COMT: variants seen among roughly 807,000 people sequenced by gnomAD.
COMT encodes the protein catechol O-methyltransferase.
A neutral mutation model predicts 18.9 loss-of-function variants in COMT; 13 were observed. The ratio of observed to expected loss-of-function variants is 0.69; its 90% confidence interval spans 0.45 to 1.09. The LOEUF is 1.09. Among genes scored for constraint, COMT ranks in the 50% least tolerant of loss-of-function variants. The probability of loss-of-function intolerance (pLI) is 0.00; values close to 1 mark genes in which losing one functional copy is unlikely to be tolerated. For missense variants in COMT, 329 were observed against 361.8 expected (o/e 0.91, Z 0.73); for synonymous variants, 150 against 160.9 (o/e 0.93, Z 0.51).
At chr22:19,954,144 T>G (rs1942008729) in intron 1 of COMT, among the ~76,000 whole-genome samples, 1 of 149,932 alleles carries the variant, frequency 6.7e-6, no homozygotes, top group Non-Finnish European at 1.5e-5. Context: ...GTCACCGTGG[T>G]CCCTGCAGCA....
At chr22:19,952,957 TAAATAAATAAATAAATAAA>T (rs1393385084) in intron 1 of COMT, among the ~76,000 whole-genome samples, 8 of 1,026 alleles carry the variant, frequency 7.8e-3, no homozygotes, top group African/African-American at 0.042. Flanking sequence ...TCTCAAAAAA[TAAATAAATAAATAAATAAA>T]TAAATAAATA....
At chr22:19,966,833 GAGGCTCCAACTCTTGA>G (rs1942426866) in intron 5 of COMT, 1 of 640,332 alleles carries the variant, frequency 1.6e-6, no homozygotes, top group African/African-American at 2.0e-5. Context: ...CAACCTCTGT[GAGGCTCCAACTCTTGA>G]AGGGAGGAGA....
intron 1 of COMT, among the ~76,000 whole-genome samples, chr22:19,952,680 C>T (rs1941970505): frequency 6.7e-6 from 1 of 149,356 alleles, no homozygotes. Flanking sequence ...CAGCCGAGCG[C>T]AGTGGCTCAC....
intron 1 of COMT, among the ~76,000 whole-genome samples, chr22:19,943,372 G>A (rs1304685089): frequency 6.6e-6 from 1 of 152,200 alleles, no homozygotes; most frequent in African/African-American, 2.4e-5. Flanking sequence ...AACAGGCCAG[G>A]CACAGTGGCT....
chr22:19,964,140 A>T (rs998358228), intron 4 of COMT, 28 bp from the exon 5 acceptor site: 1 of 1,613,488 alleles, frequency 6.2e-7, no homozygotes, highest in Non-Finnish European at 8.5e-7. Context: ...GTCTGTGAGG[A>T]CGTGGGCACT....
chr22:19,959,522 G>A (rs889482687), intron 1 of COMT, among the ~76,000 whole-genome samples: 1 of 152,234 alleles, frequency 6.6e-6, no homozygotes, highest in African/African-American at 2.4e-5. Flanking sequence ...GAGGAGGGTG[G>A]GCGGGGAGGC....
Position 19,968,548 on chromosome 22 carries a change from C to T in COMT, c.628C>T (p.Leu210=), listed in dbSNP as rs1448727569. The change falls in exon 6 of 6, where the codon CTG becomes TTG. Residue 210 remains leucine (L), a synonymous_variant. Transcript: ENST00000361682. The part of the protein sequence containing the change: ...DTLLLEECGL[L]RKGTVLLADN... ...GGTCTGTTTGCAGGAATGTGGCCTG[C>T]TGCGGAAGGGGACAGTGCTACTGGC... The T allele has an allele frequency of 1.1e-5, 17 of 1,613,832 alleles. No homozygotes were observed. The highest frequency in any genetic ancestry group is 1.4e-5 in the Non-Finnish European group (17 of 1,179,948).
intron 3 of COMT, chr22:19,963,316 G>A (rs1942246535): frequency 1.0e-5 from 6 of 598,136 alleles, no homozygotes; most frequent in Admixed American, 3.0e-5. Context: ...GGACCAGCGT[G>A]AGCATAGAGG....
chr22:19,948,010 C>CT lies in COMT; in HGVS notation c.-92+6115dup, dbSNP rs1284268915. ...CACTTCTCACCGTGTCCCTTCAGCT[C>CT]TTATCACTGTATGGCCTGGTTTCTC... is the stretch of plus-strand genomic sequence containing the variant. On this transcript the variant is annotated intron_variant, in intron 1 of 5. Transcript: ENST00000361682. Among the ~76,000 whole-genome samples the CT allele has an allele frequency of 9.2e-5, 14 of 152,260 alleles. No homozygotes were observed. The South Asian group carries it at 2.9e-3, about 32-fold the overall frequency.
chr22:19,962,884 A>G, intron 3 of COMT, 69 bp downstream of exon 3: 1 of 1,539,094 alleles, frequency 6.5e-7, no homozygotes, highest in Non-Finnish European at 8.8e-7. Flanking sequence ...AAGCCCTTAC[A>G]GGAGAAGCTG....
intron 5 of COMT, chr22:19,967,436 G>A (rs1046030413): frequency 2.1e-6 from 1 of 468,478 alleles, no homozygotes; most frequent in African/African-American, 2.0e-5. Context: ...GATTCATGGT[G>A]GTACTTCCTG....
Position 19,963,678 on chromosome 22 carries a change from G to A in COMT, c.402G>A (p.Ala134=), listed in dbSNP as rs769223. ...VRMARLLSPG[A]RLITIEINPD... ...TGGCCCGCCTGCTGTCACCAGGGGC[G>A]AGGCTCATCACCATCGAGATCAACC... Residue 134 remains alanine (A), a synonymous_variant, in exon 4 of 6, where the codon GCG becomes GCA. Transcript: ENST00000361682. 2.2e-4 allele frequency: 352 copies of A among 1,612,960 alleles called. No individual in the cohort carries two copies. Among genetic ancestry groups the A allele is most frequent in the Middle Eastern group, 2.0e-3 (12 of 6,060 alleles).
chr22:19,962,992 C>A (rs552664785), intron 3 of COMT, 177 bp downstream of exon 3: 6 of 705,504 alleles, frequency 8.5e-6, no homozygotes, highest in Non-Finnish European at 1.1e-5. Context: ...TCCCTGATGA[C>A]CCCTGCAGGC....
chr22:19,942,004 T>C, intron 1 of COMT, 107 bp downstream of exon 1: 1 of 461,106 alleles, frequency 2.2e-6, no homozygotes, highest in South Asian at 4.5e-5. Context: ...CGGACCGCTG[T>C]GAAGTGATCT....
chr22:19,959,343 G>A (rs1458152418), intron 1 of COMT, among the ~76,000 whole-genome samples: 1 of 152,288 alleles, frequency 6.6e-6, no homozygotes, highest in Non-Finnish European at 1.5e-5. Context: ...GCAGTGGCCG[G>A]TGACAGCGCA....
At chr22:19,958,785 G>C (rs116375524) in intron 1 of COMT, among the ~76,000 whole-genome samples, 2,087 of 151,484 alleles carry the variant, frequency 0.014, 53 homozygotes, top group African/African-American at 0.046. Flanking sequence ...CAGCTACTTG[G>C]GGGGGCTGAG....
rs754096654 is a variant in COMT at position 19,964,363 on chromosome 22, GC to G, written c.615+66del. ...CCCAGAGCCCATTCAGTCAGCCTCAGCCTCTCCAAAGAGCCAGGCATTCCAG... is the reference window on the plus strand; with the variant it reads ...CCCAGAGCCCATTCAGTCAGCCTCAGCTCTCCAAAGAGCCAGGCATTCCAG... On this transcript the variant is annotated intron_variant, in intron 5 of 5. Coordinates refer to ENST00000361682, the MANE Select transcript of COMT (RefSeq NM_000754.4). 1.4e-5 allele frequency: 23 copies of G among 1,611,466 alleles called. No homozygotes were observed. The African/African-American group carries it at 2.5e-4, about 18-fold the overall frequency.
chr22:19,950,944 G>A (rs1335913616), intron 1 of COMT: 2 of 152,224 alleles, frequency 1.3e-5, no homozygotes, highest in African/African-American at 2.4e-5. Flanking sequence ...ACGCTCCCAC[G>A]GGAGGAGCAA....
At position 19,948,179 on chromosome 22, in the gene COMT, A is replaced by C. The variant is rs996000018; in HGVS notation, c.-92+6282A>C. On this transcript the variant is annotated intron_variant, in intron 1 of 5. Transcript: ENST00000361682. ...TATTCTTATTTTATATATTTTCTTT[A>C]TTATACTGGAACAGCTCGTGCCCTC... is the stretch of plus-strand genomic sequence containing the variant. Among the ~76,000 whole-genome samples the C allele has an allele frequency of 4.6e-5, 7 of 152,200 alleles. No homozygotes were observed. The East Asian group carries it at 5.8e-4, about 13-fold the overall frequency.
Sources: allele counts gnomAD v4.1 joint callset (sites outside exome capture counted in the v4.1 genomes callset), GRCh38; gene constraint gnomAD v4.1.1; transcripts MANE v1.5; gene names NCBI Gene and HGNC (gene_info 2026-07-23, HGNC 2026-07-21).